Variants in OR9Q1 observed in about 807,000 individuals in gnomAD.
OR9Q1 encodes olfactory receptor family 9 subfamily Q member 1.
For synonymous variants in OR9Q1, 153 were observed against 148.6 expected, an observed-to-expected ratio of 1.03 and a Z score of -0.22; for missense variants, 374 against 378.8, an observed-to-expected ratio of 0.99 and a Z score of 0.11.
chr11:58,180,477 ATT>A lies in OR9Q1; in HGVS notation c.*101_*102del. 1 of 710,328 alleles carries A rather than the reference ATT, an allele frequency of 1.4e-6. No homozygotes were observed. The highest frequency in any genetic ancestry group is 2.4e-5 in the South Asian group (1 of 41,218). The allele number at this position is 710,328 out of a possible 1,614,324, so 44.0% of individuals were successfully genotyped here. On this transcript the variant is annotated 3_prime_UTR_variant, in exon 3 of 3. Transcript: ENST00000335397. ...GCATGCTCAATGTTTAAATGAATAT[ATT>A]ATGGTACTAGGTATAAAAAAGAACC...
At chr11:58,112,848 C>T (rs1853916078) in intron 2 of OR9Q1, among the ~76,000 whole-genome samples, 1 of 152,166 alleles carries the variant, frequency 6.6e-6, no homozygotes, top group South Asian at 2.1e-4. Flanking sequence ...TTAGGGATCA[C>T]TCATTGTGCA....
chr11:58,047,860 G>A (rs1853234434), intron 1 of OR9Q1, among the ~76,000 whole-genome samples: 1 of 152,188 alleles, frequency 6.6e-6, no homozygotes, highest in Admixed American at 6.5e-5. Flanking sequence ...CCCCAGCCTG[G>A]TGACAGAGAG....
intron 2 of OR9Q1, among the ~76,000 whole-genome samples, chr11:58,127,009 G>GGCAT (rs1341605895): frequency 6.6e-6 from 1 of 152,182 alleles, no homozygotes; most frequent in African/African-American, 2.4e-5. Context: ...GGAGTGCAAT[G>GGCAT]GCATGATCTT....
At chr11:58,062,768 C>T (rs1490627827) in intron 2 of OR9Q1, among the ~76,000 whole-genome samples, 1 of 152,168 alleles carries the variant, frequency 6.6e-6, no homozygotes, top group Non-Finnish European at 1.5e-5. Context: ...TAAGACTTTT[C>T]ATGTAAACAA....
Position 58,093,759 on chromosome 11 carries a change from C to CAAA in OR9Q1, c.-15+37834_-15+37836dup, listed in dbSNP as rs71061572. Among the ~76,000 whole-genome samples, 128 of 35,252 alleles carry CAAA rather than the reference C, an allele frequency of 3.6e-3. 1 individual carries two copies. The highest frequency in any genetic ancestry group is 0.036 in the Middle Eastern group (2 of 56). The allele number at this position is 35,252 out of a possible 152,430, so 23.1% of individuals were successfully genotyped here. Reference sequence around the variant, plus strand: ...TGGATGACAGAGCGAGACTTCATCTCAAAAAAAAAAAAAAAAAAAAAAAAG... The same window carrying CAAA: ...TGGATGACAGAGCGAGACTTCATCTCAAAAAAAAAAAAAAAAAAAAAAAAAAAG... On this transcript the variant is annotated intron_variant, in intron 2 of 2. Coordinates refer to ENST00000335397, the MANE Select transcript of OR9Q1 (RefSeq NM_001005212.4).
intron 2 of OR9Q1, among the ~76,000 whole-genome samples, chr11:58,137,120 T>G (rs1854196666): frequency 6.6e-6 from 1 of 152,246 alleles, no homozygotes; most frequent in African/African-American, 2.4e-5. Context: ...GGCAATTTTA[T>G]TTTGTATTTA....
intron 2 of OR9Q1, among the ~76,000 whole-genome samples, chr11:58,115,857 T>C (rs1296217673): frequency 6.6e-6 from 1 of 152,084 alleles, no homozygotes; most frequent in Non-Finnish European, 1.5e-5. Flanking sequence ...ATAAATAGAA[T>C]ACTTCCTCTC....
At chr11:58,178,841 C>G (rs904489348) in intron 2 of OR9Q1, among the ~76,000 whole-genome samples, 1 of 148,498 alleles carries the variant, frequency 6.7e-6, no homozygotes, top group Non-Finnish European at 1.5e-5. Context: ...TCAGTCATCT[C>G]TGAAGCCCTA....
intron 1 of OR9Q1, among the ~76,000 whole-genome samples, chr11:58,036,578 G>A (rs1030961127): frequency 1.3e-5 from 2 of 152,204 alleles, no homozygotes; most frequent in Non-Finnish European, 2.9e-5. Context: ...CATTCTAGGT[G>A]CCATTAAGAG....
intron 2 of OR9Q1, among the ~76,000 whole-genome samples, chr11:58,091,915 G>A (rs1456785678): frequency 6.6e-6 from 1 of 150,438 alleles, no homozygotes; most frequent in Non-Finnish European, 1.5e-5. Context: ...TGTCTTTTTT[G>A]ATCTTTCTTG....
chr11:58,107,753 CTTCTT>C (rs71061574), intron 2 of OR9Q1, among the ~76,000 whole-genome samples: 32,231 of 151,968 alleles, frequency 0.21, 4,035 homozygotes, highest in Middle Eastern at 0.38. Context: ...TTATTTGTCT[CTTCTT>C]TAATTTCTTT....
intron 2 of OR9Q1, among the ~76,000 whole-genome samples, chr11:58,074,486 T>A (rs1853519536): frequency 6.6e-6 from 1 of 152,012 alleles, no homozygotes; most frequent in South Asian, 2.1e-4. Context: ...TTTAAGTTCC[T>A]TGTAGATTCT....
At chr11:58,055,118 T>C (rs1403234096) in intron 1 of OR9Q1, among the ~76,000 whole-genome samples, 5 of 152,184 alleles carry the variant, frequency 3.3e-5, no homozygotes, top group Non-Finnish European at 7.3e-5. Flanking sequence ...GAATCAGTGA[T>C]GTGACTTTGT....
chr11:58,134,836 G>A (rs1185067201), intron 2 of OR9Q1, among the ~76,000 whole-genome samples: 3 of 152,160 alleles, frequency 2.0e-5, no homozygotes, highest in African/African-American at 7.2e-5. Flanking sequence ...ACTTGGACAT[G>A]TCAATTGACC....
intron 2 of OR9Q1, among the ~76,000 whole-genome samples, chr11:58,087,267 A>T (rs1221765005): frequency 6.6e-6 from 1 of 151,798 alleles, no homozygotes; most frequent in Admixed American, 6.6e-5. Flanking sequence ...TCAATACATC[A>T]TCAATCTCTG....
chr11:58,170,010 T>C (rs1029798373), intron 2 of OR9Q1, among the ~76,000 whole-genome samples: 3 of 152,134 alleles, frequency 2.0e-5, no homozygotes, highest in Non-Finnish European at 4.4e-5. Context: ...ACTTTTAATA[T>C]GGAGGTGTCA....
chr11:58,169,711 C>A (rs1854537275), intron 2 of OR9Q1, among the ~76,000 whole-genome samples: 1 of 152,096 alleles, frequency 6.6e-6, no homozygotes, highest in Non-Finnish European at 1.5e-5. Flanking sequence ...TCTTCTTCTC[C>A]TTTTTGTTCC....
At chr11:58,139,594 C>T (rs1854223934) in intron 2 of OR9Q1, among the ~76,000 whole-genome samples, 1 of 152,084 alleles carries the variant, frequency 6.6e-6, no homozygotes, top group Non-Finnish European at 1.5e-5. Flanking sequence ...TCATCCATGT[C>T]CCAACAAAGG....
At chr11:58,086,079 C>A (rs1853631108) in intron 2 of OR9Q1, among the ~76,000 whole-genome samples, 1 of 151,874 alleles carries the variant, frequency 6.6e-6, no homozygotes, top group South Asian at 2.1e-4. Context: ...ACAGACAACA[C>A]ACAGACTGGG....
Sources: gnomAD v4.1 joint callset for allele counts (sites outside exome capture counted in the v4.1 genomes callset) on GRCh38, gnomAD v4.1.1 for gene constraint, MANE v1.5 for transcripts, NCBI Gene and HGNC (gene_info 2026-07-23, HGNC 2026-07-21) for gene names.